The following CDH20 variants were observed in gnomAD, a reference collection of about 807,000 sequenced individuals.
CDH20 encodes cadherin 20.
Under a neutral mutation model 74.2 loss-of-function variants are expected in CDH20, and 29 were observed. The observed-to-expected ratio is 0.39, with a 90% CI of 0.29 to 0.53. The LOEUF is 0.53. Ranked by LOEUF, CDH20 falls within the 20% of genes least tolerant of loss-of-function variation. The pLI is 0.69. For missense variants in CDH20, 988 were observed against 1,048.3 expected (o/e 0.94, Z 0.79); for synonymous variants, 469 against 405.4 (o/e 1.16, Z -1.88).
chr18:61,348,692 T>C (rs1910211981), intron 1 of CDH20, among the ~76,000 whole-genome samples: 1 of 151,914 alleles, frequency 6.6e-6, no homozygotes, highest in Middle Eastern at 3.4e-3. Flanking sequence ...TGTCACCCCA[T>C]CTAAAGAAAG....
In CDH20 at chr18:61,546,022, A is replaced by G. The variant is rs184090127; in HGVS notation, c.1648+878A>G. Among the ~76,000 whole-genome samples, 8 of 152,308 alleles carry G rather than the reference A, an allele frequency of 5.3e-5. No individual in the cohort carries two copies. In the East Asian group the frequency reaches 1.5e-3, roughly 29 times the overall value. ...CTGTAGCCAGATGATTTGCTTCAAAAGAAAAAAAAAGGTCAGGGCAATGGA... is the reference window on the plus strand; with the variant it reads ...CTGTAGCCAGATGATTTGCTTCAAAGGAAAAAAAAAGGTCAGGGCAATGGA... On this transcript the variant is annotated intron_variant, in intron 10 of 11. Coordinates refer to ENST00000262717, the MANE Select transcript of CDH20 (RefSeq NM_031891.4).
chr18:61,447,973 A>C (rs1035161373), intron 1 of CDH20, among the ~76,000 whole-genome samples: 2 of 152,152 alleles, frequency 1.3e-5, no homozygotes, highest in African/African-American at 2.4e-5. Flanking sequence ...CTCTTAACCA[A>C]ACAAGGACTC....
chr18:61,412,682 CAA>C (rs1428108884), intron 1 of CDH20, among the ~76,000 whole-genome samples: 1 of 152,024 alleles, frequency 6.6e-6, no homozygotes, highest in Non-Finnish European at 1.5e-5. Context: ...AAAAATAGCT[CAA>C]GTGTTATAAT....
In CDH20 at chr18:61,445,043, A is replaced by G. The variant is rs73963099; in HGVS notation, c.-152-45359A>G. 3.9e-3 allele frequency among the ~76,000 whole-genome samples: 590 copies of G among 152,202 alleles called. 1 individual carries two copies. Among genetic ancestry groups the G allele is most frequent in the African/African-American group, 0.014 (564 of 41,534 alleles). The stretch of plus-strand genomic sequence containing the variant: ...ATTTATTAATATCATCCATTCTGAA[A>G]CTTCATTACTATCTTCTACTAATGC... On this transcript the variant is annotated intron_variant, in intron 1 of 11. Transcript: ENST00000262717.
chr18:61,555,623 C>G lies in CDH20; in HGVS notation c.*928C>G, dbSNP rs1334371342. 1 of 984,026 alleles carries G rather than the reference C, an allele frequency of 1.0e-6. No homozygotes were observed. Among genetic ancestry groups the G allele is most frequent in the African/African-American group, 1.7e-5 (1 of 57,162 alleles). 61.0% of individuals were successfully genotyped at this position (984,026 alleles called of 1,614,324 possible). ...GGGATGTTTACATACTGTAGATAACCTACTTGAACAAAAATCAGTATTATA... is the reference window on the plus strand; with the variant it reads ...GGGATGTTTACATACTGTAGATAACGTACTTGAACAAAAATCAGTATTATA... On this transcript the variant is annotated 3_prime_UTR_variant, in exon 12 of 12. Transcript: ENST00000262717.
intron 1 of CDH20, among the ~76,000 whole-genome samples, chr18:61,368,517 A>G (rs946223289): frequency 6.6e-6 from 1 of 152,092 alleles, no homozygotes; most frequent in Non-Finnish European, 1.5e-5. Flanking sequence ...ACAAATCACA[A>G]AAACAGATGT....
chr18:61,349,207 T>A (rs1057443301), intron 1 of CDH20, among the ~76,000 whole-genome samples: 2 of 152,116 alleles, frequency 1.3e-5, no homozygotes, highest in Non-Finnish European at 2.9e-5. Context: ...AGCTAAAAAA[T>A]CTCCTGTTTG....
intron 1 of CDH20, among the ~76,000 whole-genome samples, chr18:61,482,299 C>T (rs1400448896): frequency 6.6e-6 from 1 of 152,220 alleles, no homozygotes; most frequent in African/African-American, 2.4e-5. Flanking sequence ...CACGTTGGCT[C>T]TAACTAGCAC....
At chr18:61,352,819 G>C (rs1228365447) in intron 1 of CDH20, among the ~76,000 whole-genome samples, 2 of 152,058 alleles carry the variant, frequency 1.3e-5, no homozygotes, top group Admixed American at 6.6e-5. Flanking sequence ...CAAAATCCTT[G>C]GGTGGCCAAG....
intron 1 of CDH20, among the ~76,000 whole-genome samples, chr18:61,469,364 TACACAC>T (rs35516738): frequency 0.11 from 16,219 of 142,358 alleles, 962 homozygotes; most frequent in South Asian, 0.21. Flanking sequence ...TGAGAATGAA[TACACAC>T]ACACACACAC....
intron 6 of CDH20, among the ~76,000 whole-genome samples, chr18:61,525,589 G>A (rs113905769): frequency 7.9e-5 from 12 of 152,200 alleles, no homozygotes; most frequent in African/African-American, 2.9e-4. Context: ...GGAGATGGGC[G>A]TCTGGGTTTG....
At chr18:61,488,012 G>A (rs945648968) in intron 1 of CDH20, among the ~76,000 whole-genome samples, 2 of 152,022 alleles carry the variant, frequency 1.3e-5, no homozygotes, top group Non-Finnish European at 2.9e-5. Context: ...ACAGACATGT[G>A]TGCTTAGGCA....
chr18:61,402,616 C>T (rs988653011), intron 1 of CDH20, among the ~76,000 whole-genome samples: 1 of 152,230 alleles, frequency 6.6e-6, no homozygotes, highest in South Asian at 2.1e-4. Context: ...TAATGTTTAA[C>T]TATTAACTGA....
At chr18:61,367,582 G>C (rs1910902847) in intron 1 of CDH20, among the ~76,000 whole-genome samples, 1 of 152,154 alleles carries the variant, frequency 6.6e-6, no homozygotes, top group East Asian at 1.9e-4. Flanking sequence ...GTATTCCTTG[G>C]CTCATGGTCC....
rs1334510072 is a variant in CDH20 at position 61,554,647 on chromosome 18, G to C, written c.2358G>C (p.Lys786Asn). 2.5e-6 allele frequency: 4 copies of C among 1,598,742 alleles called. No homozygotes were observed. Among genetic ancestry groups the C allele is most frequent in the Non-Finnish European group, 3.4e-6 (4 of 1,173,252 alleles). Residue 786 changes from lysine to asparagine, a missense_variant, in exon 12 of 12, where the codon AAG (lysine) becomes AAC (asparagine). Transcript: ENST00000262717. ...CGGACTGGGGGCCCCGCTTCCGGAA[G>C]CTGGCCGAGCTCTACGGGGCGTCGG... is the stretch of plus-strand genomic sequence containing the variant. ...FLTDWGPRFRKLAELYGASEG... is the reference protein window; with the variant it reads ...FLTDWGPRFRNLAELYGASEG...
chr18:61,460,251 G>A (rs1166672614), intron 1 of CDH20, among the ~76,000 whole-genome samples: 4 of 152,080 alleles, frequency 2.6e-5, no homozygotes, highest in Non-Finnish European at 4.4e-5. Context: ...GTTTAGGGGG[G>A]AAAAAATAAA....
intron 7 of CDH20, among the ~76,000 whole-genome samples, chr18:61,534,801 G>A (rs1912764958): frequency 6.6e-6 from 1 of 152,142 alleles, no homozygotes; most frequent in Admixed American, 6.5e-5. Flanking sequence ...AAGTTCCTGT[G>A]ATCTATTGCA....
rs780047748 is a variant in CDH20 at position 61,554,597 on chromosome 18, T to C, written c.2308T>C (p.Ser770Pro). The change falls in exon 12 of 12, where the codon TCG (serine) becomes CCG (proline). Residue 770 changes from serine to proline, a missense_variant. Physicochemically the swap from Ser to Pro is moderately conservative, Grantham distance 74. Around this residue, in one of 2 missense-constraint regions of CDH20, gnomAD observed 375 missense variants for 293.1 expected, o/e 1.28. Coordinates refer to ENST00000262717, the MANE Select transcript of CDH20 (RefSeq NM_031891.4). ...CTCCCTGCAGTCGGCCACGTCGGAC[T>C]CGGAACAGAGCTTCGACTTCCTGAC... Reference protein sequence around the residue: ...LSSLQSATSDSEQSFDFLTDW... With the variant: ...LSSLQSATSDPEQSFDFLTDW... 1.1e-5 allele frequency: 17 copies of C among 1,609,024 alleles called. No homozygotes were observed. The highest frequency in any genetic ancestry group is 1.4e-5 in the Non-Finnish European group (17 of 1,178,410).
At chr18:61,543,413 A>AT (rs1231643579) in intron 9 of CDH20, among the ~76,000 whole-genome samples, 5 of 152,150 alleles carry the variant, frequency 3.3e-5, no homozygotes, top group Non-Finnish European at 5.9e-5. Flanking sequence ...GAGGAAACAC[A>AT]TATGAAGGAG....
Sources: allele counts gnomAD v4.1 joint callset (sites outside exome capture counted in the v4.1 genomes callset), GRCh38; gene constraint gnomAD v4.1.1; regional missense constraint gnomAD v4.1.1; transcripts MANE v1.5; gene names NCBI Gene and HGNC (gene_info 2026-07-23, HGNC 2026-07-21).